CASK: variants seen among roughly 807,000 people sequenced by gnomAD.
CASK encodes the protein peripheral plasma membrane protein CASK.
CASK carries 4 observed loss-of-function variants against 82.9 expected under a neutral mutation model. The ratio of observed to expected loss-of-function variants is 0.05; its 90% CI spans 0.02 to 0.11. CASK has a LOEUF of 0.11. Among genes scored for constraint, CASK ranks in the 10% least tolerant of loss-of-function variants. CASK has a pLI of 1.00. For missense variants in CASK, 358 were observed against 720.9 expected (o/e 0.50, Z 5.76); for synonymous variants, 259 against 253.5 (o/e 1.02, Z -0.20).
At chrX:41,850,606 T>C (rs1460103898) in intron 2 of CASK, among the ~76,000 whole-genome samples, 1 of 112,199 alleles carries the variant, frequency 8.9e-6, no homozygotes, top group Non-Finnish European at 1.9e-5. Flanking sequence ...TTCTAGATAT[T>C]ATTTGAACTT....
chrX:41,873,132 G>A (rs1305341611), intron 1 of CASK, among the ~76,000 whole-genome samples: 1 of 110,192 alleles, frequency 9.1e-6, no homozygotes, highest in Non-Finnish European at 1.9e-5. Context: ...AAAATATGTA[G>A]ATTCTACTAC....
intron 13 of CASK, chrX:41,587,992 A>C: frequency 8.9e-6 from 1 of 111,753 alleles, no homozygotes; most frequent in Non-Finnish European, 1.9e-5. Flanking sequence ...AAACCATACA[A>C]AAGCTTCCTA....
chrX:41,765,566 A>G (rs372824871), intron 3 of CASK, among the ~76,000 whole-genome samples: 1 of 111,731 alleles, frequency 9.0e-6, no homozygotes, highest in East Asian at 2.8e-4. Flanking sequence ...AATGAAGAAG[A>G]TGTCTACTTA....
chrX:41,655,140 T>C (rs907187263), intron 8 of CASK, among the ~76,000 whole-genome samples: 5 of 111,163 alleles, frequency 4.5e-5, no homozygotes, highest in African/African-American at 1.6e-4. Flanking sequence ...TGGAGAACAC[T>C]TCCCCTACCC....
At chrX:41,561,772 C>A in intron 16 of CASK, 128 bp from the exon 17 acceptor site, 1 of 539,213 alleles carries the variant, frequency 1.9e-6, no homozygotes, top group Non-Finnish European at 3.1e-6. Context: ...GAGGCAGGTA[C>A]AAGTTTGGTT....
chrX:41,639,749 T>A (rs372403943), intron 8 of CASK, among the ~76,000 whole-genome samples: 1 of 111,485 alleles, frequency 9.0e-6, no homozygotes, highest in East Asian at 2.8e-4. Flanking sequence ...GTAGCCCCCA[T>A]CCCCATCCCC....
In CASK at chrX:41,517,770, TAGCAGCAGCAGCAGCAGC is replaced by T. The variant is rs760277976; in HGVS notation, c.*2632_*2649del. On this transcript the variant is annotated 3_prime_UTR_variant, in exon 27 of 27. Coordinates refer to ENST00000378163, the MANE Select transcript of CASK (RefSeq NM_001367721.1). ...TTAGTGGACAATTGTAATGTAGCAGTAGCAGCAGCAGCAGCAGCAGCAGCAGCAGCAGCAGCAGCAGCA... is the reference window on the plus strand; with the variant it reads ...TTAGTGGACAATTGTAATGTAGCAGTAGCAGCAGCAGCAGCAGCAGCAGCA... The T allele has an allele frequency of 1.6e-3, 1,144 of 708,154 alleles. 7 individuals are homozygous for T. The African/African-American group carries it at 0.021, about 13-fold the overall frequency. The allele number at this position is 708,154 out of a possible 1,213,427, so 58.4% of individuals were successfully genotyped here. A position where few individuals can be genotyped will look rare whatever the true frequency, so the allele number is the denominator to read the frequency against.
chrX:41,841,610 A>G (rs1483954056), intron 2 of CASK, among the ~76,000 whole-genome samples: 3 of 103,453 alleles, frequency 2.9e-5, no homozygotes, highest in African/African-American at 1.1e-4. Flanking sequence ...CTGCCTCTTG[A>G]GTTCAGGAAA....
At chrX:41,554,403 T>C (rs2065136334) in intron 20 of CASK, among the ~76,000 whole-genome samples, 1 of 112,110 alleles carries the variant, frequency 8.9e-6, no homozygotes, top group Non-Finnish European at 1.9e-5. Context: ...TGTAGAATGC[T>C]TATATGACAA....
At chrX:41,921,320 G>A (rs1335046088) in intron 1 of CASK, among the ~76,000 whole-genome samples, 1 of 111,670 alleles carries the variant, frequency 9.0e-6, no homozygotes, top group African/African-American at 3.3e-5. Flanking sequence ...TGCTATTAGT[G>A]TAAAATACAC....
intron 5 of CASK, chrX:41,695,499 T>C: frequency 2.1e-6 from 1 of 469,417 alleles, no homozygotes; most frequent in South Asian, 3.7e-5. Flanking sequence ...ACACTTTTAG[T>C]TAAAGTAACT....
chrX:41,727,324 C>T (rs1048015111), intron 5 of CASK: 2 of 1,204,797 alleles, frequency 1.7e-6, no homozygotes, highest in African/African-American at 3.5e-5. Context: ...TCTATCCATG[C>T]ATGCAAGTAT....
intron 2 of CASK, among the ~76,000 whole-genome samples, chrX:41,830,603 G>C (rs77768969): frequency 5.6e-5 from 6 of 106,997 alleles, no homozygotes; most frequent in Non-Finnish European, 1.2e-4. Context: ...GGCGGATCAT[G>C]AAGTCAGTAG....
At chrX:41,683,024 A>C (rs2067387182) in intron 5 of CASK, 1 of 111,517 alleles carries the variant, frequency 9.0e-6, no homozygotes, top group Non-Finnish European at 1.9e-5. Flanking sequence ...GGCACTTTTC[A>C]TCCATATTAA....
chrX:41,704,669 C>CA (rs2067856584), intron 5 of CASK, among the ~76,000 whole-genome samples: 1 of 112,000 alleles, frequency 8.9e-6, no homozygotes, highest in Admixed American at 9.5e-5. Context: ...ATCATTAAGG[C>CA]CATGGCAAGA....
intron 5 of CASK, among the ~76,000 whole-genome samples, chrX:41,684,477 A>G (rs2067409968): frequency 1.8e-5 from 2 of 111,808 alleles, no homozygotes; most frequent in South Asian, 7.5e-4. Context: ...AAAGGAGACT[A>G]AAAAGATAGA....
intron 15 of CASK, 58 bp downstream of exon 15, chrX:41,578,282 T>G: frequency 1.7e-5 from 15 of 874,444 alleles, no homozygotes; most frequent in Non-Finnish European, 2.4e-5. Context: ...TGAAGTTAGT[T>G]GATATAACTC....
intron 2 of CASK, among the ~76,000 whole-genome samples, chrX:41,845,776 C>CT (rs928867008): frequency 1.8e-5 from 2 of 110,975 alleles, no homozygotes; most frequent in African/African-American, 3.3e-5. Flanking sequence ...TTCTATCTGT[C>CT]TTTTTTTTCC....
intron 21 of CASK, among the ~76,000 whole-genome samples, chrX:41,550,546 T>C (rs2065082031): frequency 9.0e-6 from 1 of 111,023 alleles, no homozygotes; most frequent in African/African-American, 3.3e-5. Context: ...AAATCTGCTA[T>C]GTCATTAACA....
Sources: gnomAD v4.1 joint callset for allele counts (sites outside exome capture counted in the v4.1 genomes callset) on GRCh38, gnomAD v4.1.1 for gene constraint, MANE v1.5 for transcripts, NCBI Gene and HGNC (gene_info 2026-07-23, HGNC 2026-07-21) for gene names.